Variants in MTAP observed in about 807,000 individuals in gnomAD.
The protein encoded by MTAP is methylthioadenosine phosphorylase.
Under a neutral mutation model 33.6 loss-of-function variants are expected in MTAP, and 33 were observed. That is an observed-to-expected ratio of 0.98 (90% confidence interval 0.74 to 1.31). The LOEUF is 1.31. MTAP is among the 40% of genes most tolerant of loss of function. The pLI, the probability that MTAP is intolerant of heterozygous loss-of-function variation, is 0.00. For missense variants in MTAP, 367 were observed against 360.0 expected (o/e 1.02, Z -0.16); for synonymous variants, 148 against 125.7 (o/e 1.18, Z -1.19).
intron 4 of MTAP, among the ~76,000 whole-genome samples, chr9:21,828,939 C>G (rs1824893147): frequency 6.6e-6 from 1 of 152,156 alleles, no homozygotes; most frequent in Admixed American, 6.5e-5. Context: ...GTTAACCAGG[C>G]TTGAGCACAT....
chr9:21,835,859 C>G lies in MTAP; in HGVS notation c.348-2049C>G, dbSNP rs148799798. On this transcript the variant is annotated intron_variant, in intron 4 of 7. Coordinates refer to ENST00000644715, the MANE Select transcript of MTAP (RefSeq NM_002451.4). ...GTTTAGATCATTAAATGTTTCAATA[C>G]TGAATGTATTGACAGTTAAGTTGAT... Among the ~76,000 whole-genome samples the G allele has an allele frequency of 8.9e-3, 1,350 of 152,270 alleles. 32 individuals are homozygous for G. Among genetic ancestry groups the G allele is most frequent in the African/African-American group, 0.03 (1,264 of 41,544 alleles).
At chr9:21,931,084 T>A (rs751251744) in exon 2 of MTAP, 4 of 764,096 alleles carry the variant, frequency 5.2e-6, no homozygotes, top group Non-Finnish European at 9.6e-6. Context: ...TACAGAGGAC[T>A]CCTAGACTTC....
intron 1 of MTAP, chr9:21,892,132 A>G (rs1383045341): frequency 6.6e-6 from 1 of 152,218 alleles, no homozygotes. Context: ...TGCTAAATGC[A>G]GAATCAAAAG....
chr9:21,802,868 T>G lies in MTAP; in HGVS notation c.33+87T>G, dbSNP rs1339838303. ...CGGGGGACCGCGCCTCCGGGGGCCA[T>G]GCGCCCGGCCCGTGCGTCCCTTGCC... On this transcript the variant is annotated intron_variant, in intron 1 of 7. Transcript: ENST00000644715. 3.8e-6 allele frequency: 6 copies of G among 1,561,006 alleles called. No individual in the cohort carries two copies. In the Admixed American group the frequency reaches 5.7e-5, roughly 15 times the overall value.
At chr9:21,815,055 A>G (rs1220240970) in intron 1 of MTAP, among the ~76,000 whole-genome samples, 2 of 152,352 alleles carry the variant, frequency 1.3e-5, no homozygotes, top group East Asian at 1.9e-4. Context: ...TTGACAGAGA[A>G]ACAAAATTGA....
At chr9:21,897,588 C>A (rs1008545434) in intron 1 of MTAP, among the ~76,000 whole-genome samples, 1 of 152,134 alleles carries the variant, frequency 6.6e-6, no homozygotes, top group African/African-American at 2.4e-5. Flanking sequence ...ACACCAATAA[C>A]AGACAAACAG....
intron 1 of MTAP, among the ~76,000 whole-genome samples, chr9:21,921,578 A>G (rs1261438247): frequency 6.6e-6 from 1 of 152,224 alleles, no homozygotes; most frequent in Non-Finnish European, 1.5e-5. Context: ...AGTGGATTGG[A>G]AAAGAAGAAA....
At chr9:21,917,051 T>C (rs1338079612) in intron 1 of MTAP, among the ~76,000 whole-genome samples, 1 of 152,082 alleles carries the variant, frequency 6.6e-6, no homozygotes, top group Non-Finnish European at 1.5e-5. Context: ...GAATGTAGGT[T>C]TTGAGGGAAT....
intron 2 of MTAP, among the ~76,000 whole-genome samples, chr9:21,815,869 AC>A (rs1189985492): frequency 6.6e-6 from 1 of 152,236 alleles, no homozygotes; most frequent in African/African-American, 2.4e-5. Context: ...AGGTCACACC[AC>A]ACTAATTAGG....
intron 1 of MTAP, among the ~76,000 whole-genome samples, chr9:21,900,276 A>T (rs961438688): frequency 1.3e-5 from 2 of 152,214 alleles, no homozygotes; most frequent in Admixed American, 6.5e-5. Context: ...TTTGTAAGCT[A>T]TGCAACTGAC....
At chr9:21,840,017 G>C (rs1825204718) in intron 5 of MTAP, among the ~76,000 whole-genome samples, 1 of 152,186 alleles carries the variant, frequency 6.6e-6, no homozygotes, top group Non-Finnish European at 1.5e-5. Context: ...ATGAGGTCAG[G>C]AGATCAAGAA....
downstream of MTAP, chr9:21,936,119 T>A (rs1819038635): frequency 6.6e-6 from 1 of 152,244 alleles, no homozygotes; most frequent in Non-Finnish European, 1.5e-5. Flanking sequence ...GTATAGGAGA[T>A]CTCCAGTGAT....
intron 4 of MTAP, among the ~76,000 whole-genome samples, chr9:21,831,393 G>T (rs1356512827): frequency 6.6e-6 from 1 of 152,174 alleles, no homozygotes; most frequent in East Asian, 1.9e-4. Context: ...GTAGAGTGCA[G>T]TGGCCTGATC....
At chr9:21,880,282 A>C (rs1817984392) in intron 1 of MTAP, among the ~76,000 whole-genome samples, 1 of 152,168 alleles carries the variant, frequency 6.6e-6, no homozygotes, top group African/African-American at 2.4e-5. Flanking sequence ...GGCCCTCACC[A>C]GATGCCAGTG....
At chr9:21,856,600 C>A (rs993568468) in intron 6 of MTAP, among the ~76,000 whole-genome samples, 2 of 152,134 alleles carry the variant, frequency 1.3e-5, no homozygotes, top group Non-Finnish European at 2.9e-5. Context: ...ACATATGTCT[C>A]CTCCTTTGTA....
intron 1 of MTAP, among the ~76,000 whole-genome samples, chr9:21,808,456 C>T (rs528354544): frequency 4.0e-5 from 6 of 151,162 alleles, no homozygotes; most frequent in East Asian, 3.9e-4. Flanking sequence ...CCAGGCGTGG[C>T]GGTGCACGCT....
At chr9:21,915,479 C>T (rs1818672918) in intron 1 of MTAP, among the ~76,000 whole-genome samples, 1 of 152,070 alleles carries the variant, frequency 6.6e-6, no homozygotes, top group African/African-American at 2.4e-5. Flanking sequence ...ATTGTTTCCA[C>T]TTTTTGGCTG....
chr9:21,843,333 A>G (rs1825298707), intron 5 of MTAP, among the ~76,000 whole-genome samples: 1 of 152,206 alleles, frequency 6.6e-6, no homozygotes, highest in African/African-American at 2.4e-5. Context: ...TAAGTACTCC[A>G]CTGACGGCAC....
intron 4 of MTAP, among the ~76,000 whole-genome samples, chr9:21,827,065 G>A (rs1303296245): frequency 6.6e-6 from 1 of 152,136 alleles, no homozygotes; most frequent in Non-Finnish European, 1.5e-5. Context: ...TATCTTCCAT[G>A]AAATCAGTCC....
Sources: allele counts gnomAD v4.1 joint callset (sites outside exome capture counted in the v4.1 genomes callset), GRCh38; gene constraint gnomAD v4.1.1; transcripts MANE v1.5; gene names NCBI Gene and HGNC (gene_info 2026-07-23, HGNC 2026-07-21).